Variants in LPP observed in about 807,000 individuals in gnomAD.
The protein encoded by LPP is lipoma-preferred partner.
Under a neutral mutation model 60.4 loss-of-function variants are expected in LPP, and 38 were observed. The observed-to-expected ratio is 0.63, with a 90% CI of 0.49 to 0.83. The LOEUF (loss-of-function observed/expected upper bound fraction) is 0.83, where lower values mean the gene tolerates loss of function less well. Among genes scored for constraint, LPP ranks in the 40% least tolerant of loss-of-function variants. The pLI, the probability that LPP is intolerant of heterozygous loss-of-function variation, is 0.00. For synonymous variants in LPP, 328 were observed against 290.8 expected (o/e 1.13, Z -1.30); for missense variants, 902 against 783.6 (o/e 1.15, Z -1.80).
intron 8 of LPP, among the ~76,000 whole-genome samples, chr3:188,745,080 C>G (rs1215191142): frequency 6.6e-6 from 1 of 152,026 alleles, no homozygotes; most frequent in African/African-American, 2.4e-5. Flanking sequence ...TTATCAGCAT[C>G]CCTCCCCCAA....
intron 3 of LPP, among the ~76,000 whole-genome samples, chr3:188,384,200 C>T (rs1405062391): frequency 1.3e-5 from 2 of 152,112 alleles, no homozygotes; most frequent in Non-Finnish European, 1.5e-5. Context: ...CCCATTTGAT[C>T]TATTGAGTTT....
chr3:188,635,670 T>C (rs1848596120), intron 7 of LPP, among the ~76,000 whole-genome samples: 1 of 152,214 alleles, frequency 6.6e-6, no homozygotes, highest in African/African-American at 2.4e-5. Context: ...GGTTTTGGAA[T>C]CTGATATAGT....
intron 6 of LPP, among the ~76,000 whole-genome samples, chr3:188,571,269 A>G (rs938412): frequency 0.71 from 107,785 of 151,854 alleles, 38,755 homozygotes; most frequent in Middle Eastern, 0.77. Flanking sequence ...ACACCAATAT[A>G]AAACTAAATG....
chr3:188,747,231 G>T (rs1466719033), intron 8 of LPP, among the ~76,000 whole-genome samples: 1 of 152,086 alleles, frequency 6.6e-6, no homozygotes, highest in African/African-American at 2.4e-5. Flanking sequence ...TCTCTCTGAT[G>T]ATCTCACAGG....
chr3:188,829,838 A>G (rs1474085182), intron 9 of LPP, among the ~76,000 whole-genome samples: 1 of 152,060 alleles, frequency 6.6e-6, no homozygotes, highest in Non-Finnish European at 1.5e-5. Flanking sequence ...GTAAAACAGT[A>G]ACTCTTGCCC....
chr3:188,553,814 A>G (rs1312379927), intron 6 of LPP: 1 of 152,202 alleles, frequency 6.6e-6, no homozygotes, highest in Non-Finnish European at 1.5e-5. Flanking sequence ...AGTGGAATCA[A>G]CCTCAAAGGA....
chr3:188,871,413 A>G (rs1381362994), intron 10 of LPP, among the ~76,000 whole-genome samples: 1 of 152,218 alleles, frequency 6.6e-6, no homozygotes, highest in African/African-American at 2.4e-5. Flanking sequence ...TTTCACAGCA[A>G]TCAATTGATC....
At chr3:188,713,969 A>G (rs1357788898) in intron 8 of LPP, among the ~76,000 whole-genome samples, 1 of 152,180 alleles carries the variant, frequency 6.6e-6, no homozygotes, top group East Asian at 1.9e-4. Flanking sequence ...CAATTGTGGT[A>G]GTGATGACAA....
chr3:188,395,528 AG>A (rs963216902), intron 3 of LPP, among the ~76,000 whole-genome samples: 2 of 152,158 alleles, frequency 1.3e-5, no homozygotes, highest in Admixed American at 1.3e-4. Flanking sequence ...CACTGCTCCC[AG>A]CTGAGCTTTT....
chr3:188,518,734 G>A (rs921243821), intron 5 of LPP, among the ~76,000 whole-genome samples: 3 of 152,206 alleles, frequency 2.0e-5, no homozygotes, highest in Non-Finnish European at 4.4e-5. Context: ...TATGTTTTGA[G>A]TATGACGCTG....
rs147820363 is a variant in LPP, at chr3:188,459,961, A to G, written c.194-24631A>G. ...CTTTTGCTTAAAATTGGAAATATCT[A>G]CCTTCAAGGAAATACTGTCGAAGAC... On this transcript the variant is annotated intron_variant, in intron 4 of 11. Coordinates refer to ENST00000617246, the MANE Select transcript of LPP (RefSeq NM_001375462.1). Among the ~76,000 whole-genome samples, 6 of 152,228 alleles carry G rather than the reference A, an allele frequency of 3.9e-5. No homozygotes were observed. In the East Asian group the frequency reaches 1.2e-3, roughly 29 times the overall value.
chr3:188,601,032 C>T (rs1238209844), intron 6 of LPP, among the ~76,000 whole-genome samples: 4 of 151,914 alleles, frequency 2.6e-5, no homozygotes, highest in African/African-American at 4.8e-5. Context: ...ATTGCTTCTT[C>T]CTTTGGCTAT....
intron 3 of LPP, among the ~76,000 whole-genome samples, chr3:188,382,899 T>A (rs1032179572): frequency 1.3e-5 from 2 of 152,192 alleles, no homozygotes; most frequent in African/African-American, 2.4e-5. Flanking sequence ...GAGGTGGATG[T>A]CTCCTGAAGT....
intron 5 of LPP, among the ~76,000 whole-genome samples, chr3:188,495,109 TTATATA>T (rs1439081332): frequency 1.5e-4 from 16 of 109,158 alleles, no homozygotes; most frequent in South Asian, 2.9e-4. Context: ...TTATATATTT[TTATATA>T]TTTATATTTA....
chr3:188,881,436 T>G lies in LPP; in HGVS notation c.*6957T>G, dbSNP rs1167577403. 9.6e-6 allele frequency: 2 copies of G among 207,798 alleles called. No homozygotes were observed. Among genetic ancestry groups the G allele is most frequent in the Non-Finnish European group, 2.0e-5 (2 of 101,680 alleles). 12.9% of individuals were successfully genotyped at this position (207,798 alleles called of 1,614,324 possible). ...GTGGACACAAACATATTTTCTAATT[T>G]TCAGTGTACTCAGTGAAACTTGGCA... On this transcript the variant is annotated 3_prime_UTR_variant, in exon 12 of 12. Coordinates refer to ENST00000617246, the MANE Select transcript of LPP (RefSeq NM_001375462.1).
At chr3:188,438,701 A>T (rs1006117847) in intron 4 of LPP, among the ~76,000 whole-genome samples, 16 of 152,188 alleles carry the variant, frequency 1.1e-4, no homozygotes, top group African/African-American at 3.9e-4. Flanking sequence ...TCCTGAGGCT[A>T]TAGAACAGAA....
intron 7 of LPP, among the ~76,000 whole-genome samples, chr3:188,706,697 G>A (rs1445357854): frequency 6.6e-6 from 1 of 152,196 alleles, no homozygotes; most frequent in Admixed American, 6.5e-5. Flanking sequence ...ACGTCCAAGA[G>A]CTCACTTGGT....
chr3:188,516,735 G>A (rs563345347), intron 5 of LPP, among the ~76,000 whole-genome samples: 4 of 151,628 alleles, frequency 2.6e-5, no homozygotes, highest in Admixed American at 6.6e-5. Flanking sequence ...CCATACCAGC[G>A]CCATCACTAG....
At chr3:188,499,336 T>G (rs1811159733) in intron 5 of LPP, among the ~76,000 whole-genome samples, 1 of 152,178 alleles carries the variant, frequency 6.6e-6, no homozygotes, top group South Asian at 2.1e-4. Context: ...CCCTTACTCT[T>G]TTGTGTGTGG....
Sources: allele counts gnomAD v4.1 joint callset (sites outside exome capture counted in the v4.1 genomes callset), GRCh38; gene constraint gnomAD v4.1.1; transcripts MANE v1.5; gene names NCBI Gene and HGNC (gene_info 2026-07-23, HGNC 2026-07-21).